Variants in CPAMD8 observed in about 807,000 individuals in gnomAD.
CPAMD8 encodes C3 and PZP-like alpha-2-macroglobulin domain-containing protein 8.
In CPAMD8, 146 loss-of-function variants were observed where a neutral mutation model predicts 224.7. The ratio of observed to expected loss-of-function variants is 0.65; its 90% CI spans 0.57 to 0.75. The LOEUF is 0.75. Ranked by LOEUF, CPAMD8 falls within the 30% of genes least tolerant of loss-of-function variation. CPAMD8 has a pLI of 0.00. For synonymous variants in CPAMD8, 966 were observed against 1,044.6 expected (o/e 0.92, Z 1.45); for missense variants, 2,301 against 2,537.5 (o/e 0.91, Z 2.00).
In CPAMD8 at chr19:16,898,046, G is replaced by T; in HGVS notation, c.4849-52C>A. 7.3e-7 allele frequency: 1 copy of T among 1,367,112 alleles called. No individual in the cohort carries two copies. The highest frequency in any genetic ancestry group is 1.0e-6 in the Non-Finnish European group (1 of 988,692). 84.7% of individuals were successfully genotyped at this position (1,367,112 alleles called of 1,614,324 possible). A position where few individuals can be genotyped will look rare whatever the true frequency, so the allele number is the denominator to read the frequency against. On this transcript the variant is annotated intron_variant, in intron 37 of 41. Coordinates refer to ENST00000443236, the MANE Select transcript of CPAMD8 (RefSeq NM_015692.5). The surrounding 1 kb of genome is among the most constrained non-coding windows in gnomAD (Gnocchi z 4.2). ...CGACCCGGGCCAGGAGGCCCGGGGC[G>T]CTGAGCTCAGGCCCAGAACTGGCTG...
chr19:16,915,054 G>A (rs2052895207), intron 27 of CPAMD8, among the ~76,000 whole-genome samples: 1 of 152,214 alleles, frequency 6.6e-6, no homozygotes, highest in African/African-American at 2.4e-5. Flanking sequence ...TACCCTAGTG[G>A]CATTCAGGTC....
chr19:17,002,463 T>C, intron 8 of CPAMD8, 113 bp from the exon 9 acceptor site: 4 of 692,482 alleles, frequency 5.8e-6, no homozygotes, highest in East Asian at 2.7e-5. Flanking sequence ...ACCACCGAGG[T>C]TGACACTGTA....
chr19:16,955,395 T>A (rs544605502), intron 19 of CPAMD8, among the ~76,000 whole-genome samples: 1 of 151,498 alleles, frequency 6.6e-6, no homozygotes, highest in South Asian at 2.1e-4. Context: ...AAACGACAAA[T>A]ACTACATGAT....
intron 3 of CPAMD8, among the ~76,000 whole-genome samples, chr19:17,015,524 C>T (rs1412950622): frequency 6.6e-6 from 1 of 152,180 alleles, no homozygotes. Flanking sequence ...CACCTCCTGT[C>T]TGCTCTGAAC....
intron 29 of CPAMD8, among the ~76,000 whole-genome samples, chr19:16,914,208 T>A (rs1314303647): frequency 6.6e-6 from 1 of 152,008 alleles, no homozygotes; most frequent in Admixed American, 6.6e-5. Context: ...TGTGCCCAAT[T>A]TCCCCCTAGT....
chr19:16,947,926 A>G (rs1315178411), intron 20 of CPAMD8, among the ~76,000 whole-genome samples: 2 of 152,184 alleles, frequency 1.3e-5, no homozygotes, highest in African/African-American at 2.4e-5. Context: ...CTCCATGTGC[A>G]TGTCTGTGCA....
At chr19:16,901,346 G>A (rs1415295070) in intron 35 of CPAMD8, 49 bp from the exon 36 acceptor site, 4 of 1,317,576 alleles carry the variant, frequency 3.0e-6, no homozygotes, top group East Asian at 4.7e-5. Context: ...AAGCCCAGAG[G>A]TGGAATTCAA....
intron 25 of CPAMD8, among the ~76,000 whole-genome samples, chr19:16,926,496 T>G (rs947152616): frequency 7.2e-5 from 11 of 152,126 alleles, no homozygotes; most frequent in South Asian, 2.1e-4. Flanking sequence ...TTTTGTATTT[T>G]TAGAAGAGAC....
At chr19:16,941,023 C>A (rs1220650015) in intron 22 of CPAMD8, among the ~76,000 whole-genome samples, 1 of 152,180 alleles carries the variant, frequency 6.6e-6, no homozygotes, top group African/African-American at 2.4e-5. Context: ...CTCTGCCTCC[C>A]AGGTTCAAGC....
intron 6 of CPAMD8, 25 bp from the exon 7 acceptor site, chr19:17,008,584 C>T: frequency 1.2e-6 from 2 of 1,613,360 alleles, no homozygotes; most frequent in Non-Finnish European, 1.7e-6. Context: ...GGGGGACAGA[C>T]ACACGGAGTG....
At position 16,897,680 on chromosome 19, in the gene CPAMD8, C is replaced by A. The variant is rs1032109684; in HGVS notation, c.5065+11G>T. 2 of 1,453,926 alleles carry A rather than the reference C, an allele frequency of 1.4e-6. No individual in the cohort carries two copies. The highest frequency in any genetic ancestry group is 9.3e-7 in the Non-Finnish European group (1 of 1,078,200). 90.1% of individuals were successfully genotyped at this position (1,453,926 alleles called of 1,614,324 possible). A position where few individuals can be genotyped will look rare whatever the true frequency, so the allele number is the denominator to read the frequency against. On this transcript the variant is annotated intron_variant, in intron 39 of 41. Coordinates refer to ENST00000443236, the MANE Select transcript of CPAMD8 (RefSeq NM_015692.5). ...CCGCGGTGGGGGGCGGCAGTGGCTC[C>A]GCGCACTCACCCGGGCCCCGGGCAG...
rs757775739 is a variant in CPAMD8, at chr19:16,950,793, GAAAAAAAAA to G, written c.2508+1167_2508+1175del. 4.9e-3 allele frequency among the ~76,000 whole-genome samples: 225 copies of G among 45,884 alleles called. 1 individual carries two copies. Among genetic ancestry groups the G allele is most frequent in the Middle Eastern group, 0.037 (3 of 82 alleles). The allele number at this position is 45,884 out of a possible 152,430, so 30.1% of individuals were successfully genotyped here. A position where few individuals can be genotyped will look rare whatever the true frequency, so the allele number is the denominator to read the frequency against. ...GGGTGATAGAGTAAGACCCTGTCTC[GAAAAAAAAA>G]AAAAAAAAAAAAAGAGAAAGAGAGA... On this transcript the variant is annotated intron_variant, in intron 20 of 41. Transcript: ENST00000443236.
In CPAMD8 at chr19:16,993,658, G is replaced by A. The variant is rs1388441279; in HGVS notation, c.1096-72C>T. On this transcript the variant is annotated intron_variant, in intron 11 of 41. Coordinates refer to ENST00000443236, the MANE Select transcript of CPAMD8 (RefSeq NM_015692.5). ...CCCCAAACTGATCTGCAGAATCAAC[G>A]CAATCCCCACTGGAATCCCAGCAGG... 1.7e-5 allele frequency: 23 copies of A among 1,381,554 alleles called. 1 individual carries two copies. The highest frequency in any genetic ancestry group is 1.2e-4 in the South Asian group (9 of 77,680). The allele number at this position is 1,381,554 out of a possible 1,614,324, so 85.6% of individuals were successfully genotyped here. A position where few individuals can be genotyped will look rare whatever the true frequency, so the allele number is the denominator to read the frequency against.
chr19:16,906,230 A>G (rs969918450), intron 30 of CPAMD8, among the ~76,000 whole-genome samples: 1 of 152,098 alleles, frequency 6.6e-6, no homozygotes, highest in Non-Finnish European at 1.5e-5. Context: ...AGCAATTGAC[A>G]AGCAAAAGGC....
intron 1 of CPAMD8, among the ~76,000 whole-genome samples, chr19:17,023,497 G>A (rs2123278923): frequency 6.6e-6 from 1 of 152,342 alleles, no homozygotes; most frequent in South Asian, 2.1e-4. Flanking sequence ...CAGAAGAAAA[G>A]AGGGTAAAGG....
intron 35 of CPAMD8, among the ~76,000 whole-genome samples, chr19:16,902,335 T>TA (rs2052292977): frequency 6.6e-6 from 1 of 151,984 alleles, no homozygotes; most frequent in African/African-American, 2.4e-5. Flanking sequence ...GCCAACATGG[T>TA]GAAACCCTGT....
chr19:17,004,973 A>G (rs1351724524), intron 7 of CPAMD8, among the ~76,000 whole-genome samples: 1 of 146,582 alleles, frequency 6.8e-6, no homozygotes, highest in East Asian at 2.0e-4. Context: ...ACAGAGAGAG[A>G]GAGAGAGAGA....
chr19:17,004,219 T>G, intron 8 of CPAMD8, 54 bp downstream of exon 8: 1 of 1,288,664 alleles, frequency 7.8e-7, no homozygotes, highest in South Asian at 1.2e-5. Flanking sequence ...TTCACCAGTT[T>G]CTAAGGTTTC....
intron 23 of CPAMD8, among the ~76,000 whole-genome samples, chr19:16,936,319 G>A (rs191632994): frequency 6.6e-6 from 1 of 152,220 alleles, no homozygotes; most frequent in African/African-American, 2.4e-5. Context: ...ATGATGTTGA[G>A]CATCTTTTTA....
Sources: gnomAD v4.1 joint callset for allele counts (sites outside exome capture counted in the v4.1 genomes callset) on GRCh38, gnomAD v4.1.1 for gene constraint, Gnocchi (gnomAD v3.1) non-coding constraint, MANE v1.5 for transcripts, NCBI Gene and HGNC (gene_info 2026-07-23, HGNC 2026-07-21) for gene names.